The following CDK12 variants were observed in gnomAD, a reference collection of about 807,000 sequenced individuals.
The protein encoded by CDK12 is cyclin dependent kinase 12, also known as cyclin-dependent kinase 12.
A neutral mutation model predicts 133.8 loss-of-function variants in CDK12; 17 were observed. The ratio of observed to expected loss-of-function variants is 0.13; its 90% CI spans 0.09 to 0.19. The LOEUF is 0.19. Among genes scored for constraint, CDK12 ranks in the 10% least tolerant of loss-of-function variants. CDK12 has a pLI of 1.00. For missense variants in CDK12, 1,508 were observed against 1,818.7 expected, an observed-to-expected ratio of 0.83 and a Z score of 3.11; for synonymous variants, 694 against 683.6, an observed-to-expected ratio of 1.02 and a Z score of -0.24.
At chr17:39,523,271 C>T (rs183845116) in intron 11 of CDK12, among the ~76,000 whole-genome samples, 134 of 151,998 alleles carry the variant, frequency 8.8e-4, no homozygotes, top group African/African-American at 3.0e-3. Context: ...GTCATGAGTT[C>T]GAGACCAGTT....
chr17:39,462,145 C>G lies in CDK12; in HGVS notation c.74C>G (p.Ser25Trp), dbSNP rs763482961. 6.2e-7 allele frequency: 1 copy of G among 1,614,050 alleles called. No individual in the cohort carries two copies. The highest frequency in any genetic ancestry group is 8.5e-7 in the Non-Finnish European group (1 of 1,180,034). ...GCTTCTGGAACTTTGCAGCCGTCAT[C>G]GGGAGGCGGCAGCTCTAACAGCAGA... Reference protein sequence around the residue: ...GGASGTLQPSSGGGSSNSRER... With the variant: ...GGASGTLQPSWGGGSSNSRER... Residue 25 changes from serine (S) to tryptophan (W), a missense_variant, in exon 1 of 14, where the codon TCG becomes TGG. Physicochemically the swap from Ser to Trp is radical, Grantham distance 177 (BLOSUM62 -3). This residue lies in a region of CDK12 where 460 missense variants were observed against 490.8 expected (regional missense o/e 0.94). Transcript: ENST00000447079.
Position 39,462,450 on chromosome 17 carries a change from C to G in CDK12, c.379C>G (p.Gln127Glu), listed in dbSNP as rs373315719. 1.9e-6 allele frequency: 3 copies of G among 1,613,934 alleles called. No homozygotes were observed. Among genetic ancestry groups the G allele is most frequent in the Non-Finnish European group, 2.5e-6 (3 of 1,180,032 alleles). Residue 127 changes from glutamine (Q) to glutamate (E), a missense_variant, in exon 1 of 14, where the codon CAG becomes GAG. By Grantham distance (29) the Gln-to-Glu change is conservative (BLOSUM62 2). This residue lies in a region of CDK12 where 460 missense variants were observed against 490.8 expected (regional missense o/e 0.94). Coordinates refer to ENST00000447079, the MANE Select transcript of CDK12 (RefSeq NM_016507.4). ...RRSRDLLKAK[Q>E]TEKEKSQEVS... ...TTCCCGGGACTTACTAAAAGCTAAA[C>G]AGACCGAAAAAGAAAAAAGCCAAGA...
chr17:39,518,851 C>T (rs2053980084), intron 10 of CDK12, among the ~76,000 whole-genome samples: 1 of 151,988 alleles, frequency 6.6e-6, no homozygotes, highest in African/African-American at 2.4e-5. Flanking sequence ...AAGCCCACCA[C>T]ACCTAGCCAG....
chr17:39,480,768 C>G (rs1392087086), intron 2 of CDK12, among the ~76,000 whole-genome samples: 1 of 152,086 alleles, frequency 6.6e-6, no homozygotes, highest in African/African-American at 2.4e-5. Flanking sequence ...TAGGAGTGTA[C>G]TAGCTCAGGT....
chr17:39,511,041 C>G (rs1350495720), intron 7 of CDK12, among the ~76,000 whole-genome samples: 1 of 148,382 alleles, frequency 6.7e-6, no homozygotes, highest in African/African-American at 2.5e-5. Flanking sequence ...CGGTGAAACT[C>G]TGTCTCTACT....
chr17:39,530,972 T>C lies in CDK12; in HGVS notation c.4129T>C (p.Ser1377Pro). ...VQTLVKNRTF[S>P]GSLSHLGESS... ...GACCCTGGTGAAGAACAGGACCTTC[T>C]CAGGCTCTCTGAGCCACCTTGGGGA... The change falls in exon 14 of 14, where the codon TCA becomes CCA. Residue 1377 changes from serine to proline, a missense_variant. Ser to Pro is a moderately conservative substitution (Grantham distance 74, BLOSUM62 -1). Around this residue, in one of 9 missense-constraint regions of CDK12, gnomAD observed 399 missense variants for 469.6 expected, o/e 0.85. Coordinates refer to ENST00000447079, the MANE Select transcript of CDK12 (RefSeq NM_016507.4). 6.2e-7 allele frequency: 1 copy of C among 1,614,168 alleles called. No homozygotes were observed. Among genetic ancestry groups the C allele is most frequent in the Non-Finnish European group, 8.5e-7 (1 of 1,180,008 alleles).
Position 39,501,300 on chromosome 17 carries a change from C to A in CDK12, c.2470C>A (p.Leu824Ile), listed in dbSNP as rs1364913764. 6 of 1,613,054 alleles carry A rather than the reference C, an allele frequency of 3.7e-6. No individual in the cohort carries two copies. The highest frequency in any genetic ancestry group is 5.1e-6 in the Non-Finnish European group (6 of 1,179,738). ...EYMDHDLMGLLESGLVHFSED... is the reference protein window; with the variant it reads ...EYMDHDLMGLIESGLVHFSED... ...TATGGACCATGACTTAATGGGACTGCTAGAATCTGGTTTGGTGCACTTTTC... is the reference window on the plus strand; with the variant it reads ...TATGGACCATGACTTAATGGGACTGATAGAATCTGGTTTGGTGCACTTTTC... Residue 824 changes from leucine to isoleucine, a missense_variant, in exon 6 of 14, where the codon CTA becomes ATA. This residue lies in a region of CDK12 where 74 missense variants were observed against 160.2 expected (regional missense o/e 0.46). Transcript: ENST00000447079.
At chr17:39,474,377 G>A (rs914312243) in intron 2 of CDK12, among the ~76,000 whole-genome samples, 1 of 152,112 alleles carries the variant, frequency 6.6e-6, no homozygotes, top group African/African-American at 2.4e-5. Context: ...GGAGTGCAGT[G>A]GTGTGATCTG....
At chr17:39,529,058 A>G (rs900359767) in intron 13 of CDK12, among the ~76,000 whole-genome samples, 7 of 152,288 alleles carry the variant, frequency 4.6e-5, no homozygotes, top group African/African-American at 1.2e-4. Context: ...CACCCTGTCA[A>G]CCAGCCAATC....
At chr17:39,483,572 T>G (rs2050889105) in intron 2 of CDK12, among the ~76,000 whole-genome samples, 1 of 152,074 alleles carries the variant, frequency 6.6e-6, no homozygotes, top group Admixed American at 6.6e-5. Flanking sequence ...TCTGAAATCA[T>G]GTTTTAAACA....
chr17:39,559,469 T>TA (rs2056286946), intron 3 of CDK12, among the ~76,000 whole-genome samples: 1 of 152,214 alleles, frequency 6.6e-6, no homozygotes, highest in Non-Finnish European at 1.5e-5. Context: ...TGCCCTTTTA[T>TA]ATTCACACCT....
chr17:39,504,343 G>A (rs1348156636), intron 6 of CDK12, among the ~76,000 whole-genome samples: 2 of 152,160 alleles, frequency 1.3e-5, no homozygotes, highest in Admixed American at 1.3e-4. Flanking sequence ...ACCCAAGAGA[G>A]ATGGTCAGAG....
intron 8 of CDK12, among the ~76,000 whole-genome samples, chr17:39,514,121 C>G (rs2053652361): frequency 6.6e-6 from 1 of 152,004 alleles, no homozygotes; most frequent in Non-Finnish European, 1.5e-5. Flanking sequence ...GTCTCAAACT[C>G]CTGGGCTCAA....
intron 11 of CDK12, among the ~76,000 whole-genome samples, chr17:39,521,992 G>T (rs2054203438): frequency 6.6e-6 from 1 of 152,004 alleles, no homozygotes; most frequent in Non-Finnish European, 1.5e-5. Flanking sequence ...GGAGACACAT[G>T]CTTGGCCTCC....
intron 7 of CDK12, among the ~76,000 whole-genome samples, chr17:39,510,981 C>A (rs565393306): frequency 7.1e-6 from 1 of 140,436 alleles, no homozygotes; most frequent in Non-Finnish European, 1.5e-5. Context: ...TTTGGGAGAC[C>A]GAGGTGGGTG....
chr17:39,486,181 G>A (rs1443402771), intron 2 of CDK12, among the ~76,000 whole-genome samples: 1 of 149,872 alleles, frequency 6.7e-6, no homozygotes, highest in Non-Finnish European at 1.5e-5. Flanking sequence ...TTGAACTCCT[G>A]ACTTCAGGTG....
chr17:39,486,759 A>G (rs2051164297), intron 2 of CDK12, among the ~76,000 whole-genome samples: 1 of 152,158 alleles, frequency 6.6e-6, no homozygotes. Context: ...CTGTAATCCC[A>G]GCACTTTGGG....
At position 39,481,647 on chromosome 17, in the gene CDK12, T is replaced by TCTCTCTCTCTCTCC. The variant is rs2050682993; in HGVS notation, c.1932-8897_1932-8896insCCTCTCTCTCTCTC. Among the ~76,000 whole-genome samples the TCTCTCTCTCTCTCC allele has an allele frequency of 2.8e-4, 3 of 10,712 alleles. 1 individual carries two copies. The highest frequency in any genetic ancestry group is 7.0e-4 in the African/African-American group (3 of 4,274). 7.0% of individuals were successfully genotyped at this position (10,712 alleles called of 152,430 possible). ...CTCGCTCGCGCGCTCTCTCTCTCTC[T>TCTCTCTCTCTCTCC]CTCTCTCTCTCTCTCTCTCTCTCTC... On this transcript the variant is annotated intron_variant, in intron 2 of 13. Transcript: ENST00000447079.
In CDK12 at chr17:39,531,971, T is replaced by G. The variant is rs1444472480; in HGVS notation, c.*655T>G. ...TAAATTACTCATCCTTAAAGTTTAC[T>G]CCACTTTGACAAAAGATACGCCCTT... On this transcript the variant is annotated 3_prime_UTR_variant, in exon 14 of 14. Coordinates refer to ENST00000447079, the MANE Select transcript of CDK12 (RefSeq NM_016507.4). 4.3e-6 allele frequency: 1 copy of G among 233,776 alleles called. No individual in the cohort carries two copies. The allele number at this position is 233,776 out of a possible 1,614,324, so 14.5% of individuals were successfully genotyped here.
Sources: gnomAD v4.1 joint callset for allele counts (sites outside exome capture counted in the v4.1 genomes callset) on GRCh38, gnomAD v4.1.1 for gene constraint, gnomAD v4.1.1 regional missense constraint, MANE v1.5 for transcripts, NCBI Gene and HGNC (gene_info 2026-07-23, HGNC 2026-07-21) for gene names.